The following HIRA variants were observed in gnomAD, a reference collection of about 807,000 sequenced individuals.
HIRA encodes protein HIRA.
In HIRA, 13 loss-of-function variants were observed where a neutral mutation model predicts 126.6. That is an observed-to-expected ratio of 0.10 (90% CI 0.07 to 0.16). HIRA has a LOEUF of 0.16. Ranked by LOEUF, HIRA falls within the 10% of genes least tolerant of loss-of-function variation. HIRA has a pLI of 1.00. For missense variants in HIRA, 834 were observed against 1,314.4 expected, an observed-to-expected ratio of 0.63 and a Z score of 5.65; for synonymous variants, 511 against 520.0, an observed-to-expected ratio of 0.98 and a Z score of 0.24.
intron 24 of HIRA, among the ~76,000 whole-genome samples, chr22:19,343,918 C>T (rs2088659668): frequency 6.7e-6 from 1 of 148,562 alleles, no homozygotes; most frequent in Non-Finnish European, 1.5e-5. Flanking sequence ...TGCTATGTTG[C>T]TCAGGCTGGT....
In HIRA at chr22:19,396,704, G is replaced by T. The variant is rs2089227235; in HGVS notation, c.654+83C>A. 103 of 1,468,744 alleles carry T rather than the reference G, an allele frequency of 7.0e-5. 1 individual carries two copies. In the South Asian group the frequency reaches 1.2e-3, roughly 17 times the overall value. The allele number at this position is 1,468,744 out of a possible 1,614,324, so 91.0% of individuals were successfully genotyped here. On this transcript the variant is annotated intron_variant, in intron 7 of 24. Coordinates refer to ENST00000263208, the MANE Select transcript of HIRA (RefSeq NM_003325.4). ...CATTCCCCAGGTGGCCTGGCCCATG[G>T]CCAGCTCCCTCTCTGTACACAGAAG... is the stretch of plus-strand genomic sequence containing the variant.
At chr22:19,363,557 T>G (rs541858426) in intron 15 of HIRA, among the ~76,000 whole-genome samples, 3 of 151,812 alleles carry the variant, frequency 2.0e-5, no homozygotes, top group African/African-American at 7.3e-5. Context: ...TTTCCAGGGG[T>G]TGGGGAAAGG....
chr22:19,367,073 T>C (rs756298409), intron 15 of HIRA, among the ~76,000 whole-genome samples: 1 of 152,186 alleles, frequency 6.6e-6, no homozygotes, highest in Non-Finnish European at 1.5e-5. Context: ...TTTATTGGCA[T>C]ACATTGAAAT....
In HIRA at chr22:19,431,580, C is replaced by CGGCCGCCGCCCGCCCCGCGCCCTCAG; in HGVS notation, c.-130_-105dup. On this transcript the variant is annotated 5_prime_UTR_variant, in exon 1 of 25. Coordinates refer to ENST00000263208, the MANE Select transcript of HIRA (RefSeq NM_003325.4). ...GCTTCCTCCCGCGCCACCCGCCCTC[C>CGGCCGCCGCCCGCCCCGCGCCCTCAG]GGCCGCCGCCCGCCCCGCGCCCTCA... 1 of 952,464 alleles carries CGGCCGCCGCCCGCCCCGCGCCCTCAG rather than the reference C, an allele frequency of 1.0e-6. No homozygotes were observed. Among genetic ancestry groups the CGGCCGCCGCCCGCCCCGCGCCCTCAG allele is most frequent in the African/African-American group, 1.8e-5 (1 of 56,026 alleles). 59.0% of individuals were successfully genotyped at this position (952,464 alleles called of 1,614,324 possible).
At chr22:19,361,692 G>A (rs778523703) in intron 16 of HIRA, 35 bp downstream of exon 16, 58 of 1,594,694 alleles carry the variant, frequency 3.6e-5, no homozygotes, top group Non-Finnish European at 5.0e-5. Flanking sequence ...CAGAAAGGTG[G>A]GCTAAAGAAG....
chr22:19,373,217 C>A (rs1023647972), intron 15 of HIRA, among the ~76,000 whole-genome samples: 1 of 152,138 alleles, frequency 6.6e-6, no homozygotes, highest in Admixed American at 6.5e-5. Context: ...CAGTATTAAT[C>A]TTTCCTCATT....
chr22:19,356,871 C>G lies in HIRA; in HGVS notation c.2396+19G>C. 1 of 1,612,776 alleles carries G rather than the reference C, an allele frequency of 6.2e-7. No homozygotes were observed. The highest frequency in any genetic ancestry group is 2.2e-5 in the East Asian group (1 of 44,882). On this transcript the variant is annotated intron_variant, in intron 19 of 24. Coordinates refer to ENST00000263208, the MANE Select transcript of HIRA (RefSeq NM_003325.4). Reference sequence around the variant, plus strand: ...CCTGCCCTGGCTGAAGCCCACCCCACCCTGTGCCTGCCTCTCACCAGACAG... The same window carrying G: ...CCTGCCCTGGCTGAAGCCCACCCCAGCCTGTGCCTGCCTCTCACCAGACAG...
At chr22:19,405,179 C>G (rs748965221) in intron 5 of HIRA, among the ~76,000 whole-genome samples, 2 of 152,176 alleles carry the variant, frequency 1.3e-5, no homozygotes, top group Non-Finnish European at 2.9e-5. Flanking sequence ...CCAAGACTTT[C>G]TCACTTATGC....
At chr22:19,354,164 CT>C (rs1178266228) in intron 21 of HIRA, 46 bp from the exon 22 acceptor site, 2 of 1,582,820 alleles carry the variant, frequency 1.3e-6, no homozygotes, top group African/African-American at 2.7e-5. Flanking sequence ...ACCAAGAGAT[CT>C]GGTTGGCCTC....
chr22:19,368,018 C>A (rs1184362281), intron 15 of HIRA, among the ~76,000 whole-genome samples: 1 of 152,184 alleles, frequency 6.6e-6, no homozygotes, highest in Non-Finnish European at 1.5e-5. Context: ...ATATGACAGA[C>A]TCCCTGGATC....
At chr22:19,334,185 A>T (rs149749964) in intron 24 of HIRA, among the ~76,000 whole-genome samples, 1 of 150,818 alleles carries the variant, frequency 6.6e-6, no homozygotes, top group Admixed American at 6.6e-5. Flanking sequence ...CCATGTTAGC[A>T]AGGATGGTCT....
chr22:19,361,949 A>C lies in HIRA; in HGVS notation c.1776-18T>G, dbSNP rs745825887. ...CTTTTAACCTGCACAAAAACATTACATCACACTTCCCTTCAGAAACCATTC... is the reference window on the plus strand; with the variant it reads ...CTTTTAACCTGCACAAAAACATTACCTCACACTTCCCTTCAGAAACCATTC... On this transcript the variant is annotated intron_variant, in intron 15 of 24. Coordinates refer to ENST00000263208, the MANE Select transcript of HIRA (RefSeq NM_003325.4). 1.9e-6 allele frequency: 3 copies of C among 1,610,284 alleles called. No homozygotes were observed. The highest frequency in any genetic ancestry group is 2.5e-6 in the Non-Finnish European group (3 of 1,176,678).
At chr22:19,389,933 GATA>G (rs894583339) in intron 9 of HIRA, among the ~76,000 whole-genome samples, 19 of 150,434 alleles carry the variant, frequency 1.3e-4, no homozygotes, top group African/African-American at 4.6e-4. Context: ...GCAGCCAGAG[GATA>G]ACCTTCAAAC....
intron 13 of HIRA, among the ~76,000 whole-genome samples, chr22:19,381,086 G>A (rs1048569031): frequency 1.3e-5 from 2 of 152,148 alleles, no homozygotes; most frequent in African/African-American, 4.8e-5. Flanking sequence ...AGTTTTCTTT[G>A]AAGCCTCTCA....
At position 19,398,127 on chromosome 22, in the gene HIRA, G is replaced by C. The variant is rs751621241; in HGVS notation, c.398-40C>G. ...AGGGTTCTGGTGAGATCTCTTACCT[G>C]GTGATGCCCTTGTCTATTAGCTTGG... On this transcript the variant is annotated intron_variant, in intron 5 of 24. Coordinates refer to ENST00000263208, the MANE Select transcript of HIRA (RefSeq NM_003325.4). The C allele has an allele frequency of 2.7e-6, 4 of 1,483,750 alleles. No individual in the cohort carries two copies. The South Asian group carries it at 4.6e-5, about 17-fold the overall frequency. 91.9% of individuals were successfully genotyped at this position (1,483,750 alleles called of 1,614,324 possible).
intron 18 of HIRA, 106 bp from the exon 19 acceptor site, chr22:19,357,157 TC>T: frequency 7.6e-7 from 1 of 1,319,914 alleles, no homozygotes; most frequent in South Asian, 1.3e-5. Context: ...AACAAGGGCC[TC>T]CCCTGAGCAG....
chr22:19,396,898 T>G lies in HIRA; in HGVS notation c.543A>C (p.Thr181=), dbSNP rs2089228611. 6.2e-7 allele frequency: 1 copy of G among 1,614,094 alleles called. No individual in the cohort carries two copies. Among genetic ancestry groups the G allele is most frequent in the Admixed American group, 1.7e-5 (1 of 60,008 alleles). The part of the protein sequence containing the change: ...RGHSGLVKGL[T]WDPVGKYIAS... Reference sequence around the variant, plus strand: ...CTATGTATTTACCAACAGGGTCCCATGTCAACCCTTTGACCAAGCCAGAAT... The same window carrying G: ...CTATGTATTTACCAACAGGGTCCCAGGTCAACCCTTTGACCAAGCCAGAAT... Residue 181 remains threonine (T), a synonymous_variant, in exon 7 of 25, where the codon ACA becomes ACC. Transcript: ENST00000263208.
At chr22:19,333,425 G>A (rs1315751279) in intron 24 of HIRA, among the ~76,000 whole-genome samples, 1 of 152,008 alleles carries the variant, frequency 6.6e-6, no homozygotes, top group Non-Finnish European at 1.5e-5. Context: ...ATCAAAACTA[G>A]CTCAAAAAGA....
At chr22:19,350,903 C>A (rs1319518204) in intron 24 of HIRA, among the ~76,000 whole-genome samples, 3 of 152,076 alleles carry the variant, frequency 2.0e-5, no homozygotes, top group Non-Finnish European at 1.5e-5. Flanking sequence ...TCCGCAGTGT[C>A]CTCTCACAAG....
Sources: gnomAD v4.1 joint callset for allele counts (sites outside exome capture counted in the v4.1 genomes callset) on GRCh38, gnomAD v4.1.1 for gene constraint, MANE v1.5 for transcripts, NCBI Gene and HGNC (gene_info 2026-07-23, HGNC 2026-07-21) for gene names.